Variants in SF3A2 observed in about 807,000 individuals in gnomAD.
SF3A2 encodes SAP 62.
In SF3A2, 5 loss-of-function variants were observed where a neutral mutation model predicts 31.1. That is an observed-to-expected ratio of 0.16 (90% CI 0.08 to 0.34). SF3A2 has a LOEUF of 0.34. Among genes scored for constraint, SF3A2 ranks in the 10% least tolerant of loss-of-function variants. The pLI is 1.00. For synonymous variants in SF3A2, 365 were observed against 263.7 expected (o/e 1.38, Z -3.72); for missense variants, 577 against 643.9 (o/e 0.90, Z 1.13).
chr19:2,239,372 A>G (rs893290393), intron 1 of SF3A2, among the ~76,000 whole-genome samples: 18 of 150,908 alleles, frequency 1.2e-4, no homozygotes, highest in African/African-American at 4.0e-4. Context: ...AAAAAAAAAA[A>G]AAAGAGAGAG....
At chr19:2,241,533 G>C (rs1324036999) in intron 1 of SF3A2, among the ~76,000 whole-genome samples, 4 of 152,202 alleles carry the variant, frequency 2.6e-5, no homozygotes, top group Non-Finnish European at 5.9e-5. Context: ...ACACAATCCT[G>C]CCCGCCTGTG....
At position 2,245,737 on chromosome 19, in the gene SF3A2, G is replaced by GGC. The variant is rs1199555210; in HGVS notation, c.355+183_355+184dup. 9 of 608,396 alleles carry GGC rather than the reference G, an allele frequency of 1.5e-5. No homozygotes were observed. In the African/African-American group the frequency reaches 1.7e-4, roughly 11 times the overall value. The allele number at this position is 608,396 out of a possible 1,614,324, so 37.7% of individuals were successfully genotyped here. On this transcript the variant is annotated intron_variant, in intron 5 of 8. Coordinates refer to ENST00000221494, the MANE Select transcript of SF3A2 (RefSeq NM_007165.5). The surrounding 1 kb of genome is among the most constrained non-coding windows in gnomAD (Gnocchi z 4.2). The stretch of plus-strand genomic sequence containing the variant: ...GTTGTGTCTGGGAGCTGTCAGGCTG[G>GGC]GCCCGATAAGCACCCATCTCACCCA...
chr19:2,247,238 G>A (rs1053874098), intron 7 of SF3A2: 38 of 136,374 alleles, frequency 2.8e-4, no homozygotes, highest in Middle Eastern at 2.6e-3. Context: ...TGAGAAGGGA[G>A]GCCGGCAGGG....
Position 2,248,409 on chromosome 19 carries a change from G to T in SF3A2, c.1258G>T (p.Gly420Trp). Residue 420 changes from glycine to tryptophan, a missense_variant, in exon 9 of 9, where the codon GGG (glycine) becomes TGG (tryptophan). By Grantham distance (184) the Gly-to-Trp change is radical. This residue lies in a region of SF3A2 where 462 missense variants were observed against 339.1 expected (regional missense o/e 1.36). Transcript: ENST00000221494. The stretch of plus-strand genomic sequence containing the variant: ...TCCCGGGGTCCATCCGTCGGCTCCT[G>T]GGGTCCACCCTCAGCCTCCGGGAGT... ...QPPGVHPSAP[G>W]VHPQPPGVHP... 1 of 1,381,740 alleles carries T rather than the reference G, an allele frequency of 7.2e-7. No individual in the cohort carries two copies. The highest frequency in any genetic ancestry group is 9.3e-7 in the Non-Finnish European group (1 of 1,071,768). The allele number at this position is 1,381,740 out of a possible 1,614,324, so 85.6% of individuals were successfully genotyped here. A position where few individuals can be genotyped will look rare whatever the true frequency, so the allele number is the denominator to read the frequency against.
In SF3A2 at chr19:2,247,896, G is replaced by C. The variant is rs1452407416; in HGVS notation, c.745G>C (p.Glu249Gln). Residue 249 changes from glutamate (E) to glutamine (Q), a missense_variant, in exon 9 of 9, where the codon GAG becomes CAG. By Grantham distance (29) the Glu-to-Gln change is conservative (BLOSUM62 2). This residue lies in a region of SF3A2 where 462 missense variants were observed against 339.1 expected (regional missense o/e 1.36). Coordinates refer to ENST00000221494, the MANE Select transcript of SF3A2 (RefSeq NM_007165.5). ...TCTGCCCCCTCGGCCACCGCTGCCT[G>C]AGTCTTTGCCACCGCCCCCGCCAGG... The part of the protein sequence containing the change: ...NGLPPRPPLP[E>Q]SLPPPPPGGL... 6.3e-7 allele frequency: 1 copy of C among 1,580,394 alleles called. No homozygotes were observed. The highest frequency in any genetic ancestry group is 1.1e-5 in the South Asian group (1 of 90,544).
Position 2,245,494 on chromosome 19 carries a change from G to A in SF3A2, c.294G>A (p.Ala98=), listed in dbSNP as rs369419907. 182 of 1,551,178 alleles carry A rather than the reference G, an allele frequency of 1.2e-4. No individual in the cohort carries two copies. The African/African-American group carries it at 2.0e-3, about 17-fold the overall frequency. ...KEAKEAPAQP[A]PEKVKVEVKK... ...CCAAGGAGGCCCCTGCCCAGCCCGC[G>A]CCTGAGAAGGTCAAGGTGGAGGTGA... The change falls in exon 5 of 9, where the codon GCG becomes GCA. Residue 98 remains alanine (A), a synonymous_variant. Transcript: ENST00000221494. The surrounding 1 kb of genome is among the most constrained non-coding windows in gnomAD (Gnocchi z 4.2).
At chr19:2,239,924 C>A (rs956035713) in intron 1 of SF3A2, among the ~76,000 whole-genome samples, 1 of 152,086 alleles carries the variant, frequency 6.6e-6, no homozygotes, top group African/African-American at 2.4e-5. Context: ...GCAGTGGCTT[C>A]CCCCGATAAT....
rs1195855756 is a variant in SF3A2, at chr19:2,248,525, TC to T, written c.1379del (p.Pro460LeufsTer25). The part of the protein sequence containing the change: ...LPSEGPGNIP[P>X]PPPTN ...CCTCCGAAGGCCCAGGGAACATACCTCCCCCTCCCCCAACCAACTGAGAAGC... is the reference window on the plus strand; with the variant it reads ...CCTCCGAAGGCCCAGGGAACATACCTCCCCTCCCCCAACCAACTGAGAAGC... On this transcript the variant is annotated frameshift_variant, in exon 9 of 9. Coordinates refer to ENST00000221494, the MANE Select transcript of SF3A2 (RefSeq NM_007165.5). LOFTEE classifies it high-confidence loss of function. The T allele has an allele frequency of 9.6e-6, 10 of 1,041,318 alleles. No individual in the cohort carries two copies. The highest frequency in any genetic ancestry group is 4.3e-5 in the African/African-American group (2 of 46,880). The allele number at this position is 1,041,318 out of a possible 1,614,324, so 64.5% of individuals were successfully genotyped here.
In SF3A2 at chr19:2,243,387, T is replaced by C; in HGVS notation, c.-32T>C. ...TCTCCTCTTGGCCTCCACAGGTGTC[T>C]CCCAGTCTGCTAAAGCCCTAAGGCC... is the stretch of plus-strand genomic sequence containing the variant. On this transcript the variant is annotated 5_prime_UTR_variant, in exon 2 of 9. Coordinates refer to ENST00000221494, the MANE Select transcript of SF3A2 (RefSeq NM_007165.5). 1 of 1,505,098 alleles carries C rather than the reference T, an allele frequency of 6.6e-7. No individual in the cohort carries two copies. The highest frequency in any genetic ancestry group is 8.8e-7 in the Non-Finnish European group (1 of 1,132,000). 93.2% of individuals were successfully genotyped at this position (1,505,098 alleles called of 1,614,324 possible). A position where few individuals can be genotyped will look rare whatever the true frequency, so the allele number is the denominator to read the frequency against.
In SF3A2 at chr19:2,248,315, T is replaced by C. The variant is rs1599134882; in HGVS notation, c.1164T>C (p.Pro388=). ...ACCCAGCAGCCCCCGCCGTTCACCC[T>C]CAGGCCCCAGGGGTGCACCCACCAG... ...GVHPAAPAVH[P]QAPGVHPPAP... Residue 388 remains proline (P), a synonymous_variant, in exon 9 of 9, where the codon CCT becomes CCC. Coordinates refer to ENST00000221494, the MANE Select transcript of SF3A2 (RefSeq NM_007165.5). 1 of 1,246,366 alleles carries C rather than the reference T, an allele frequency of 8.0e-7. No homozygotes were observed. Among genetic ancestry groups the C allele is most frequent in the Non-Finnish European group, 1.0e-6 (1 of 997,804 alleles). 77.2% of individuals were successfully genotyped at this position (1,246,366 alleles called of 1,614,324 possible).
At chr19:2,239,914 G>A (rs765857689) in intron 1 of SF3A2, among the ~76,000 whole-genome samples, 4 of 152,126 alleles carry the variant, frequency 2.6e-5, no homozygotes, top group Non-Finnish European at 5.9e-5. Flanking sequence ...GGTTTGTGGT[G>A]CAGTGGCTTC....
In SF3A2 at chr19:2,246,738, C is replaced by T; in HGVS notation, c.356-15C>T. On this transcript the variant is annotated splice_polypyrimidine_tract_variant and intron_variant, in intron 5 of 8. Coordinates refer to ENST00000221494, the MANE Select transcript of SF3A2 (RefSeq NM_007165.5). This position sits in a 1 kb window ranked among gnomAD's most constrained non-coding sequence, Gnocchi z 5.5. ...AGGACAAGCAGCCGGGACCTGAGAGCTTTCTGTGTTGCAGTGACCAAGCAG... is the reference window on the plus strand; with the variant it reads ...AGGACAAGCAGCCGGGACCTGAGAGTTTTCTGTGTTGCAGTGACCAAGCAG... 8 of 1,613,896 alleles carry T rather than the reference C, an allele frequency of 5.0e-6. No individual in the cohort carries two copies. The highest frequency in any genetic ancestry group is 6.8e-6 in the Non-Finnish European group (8 of 1,179,966).
rs144327372 is a variant in SF3A2, at chr19:2,245,117, G to T, written c.246-329G>T. The T allele has an allele frequency of 1.2e-3, 590 of 500,028 alleles. 4 individuals are homozygous for T. The highest frequency in any genetic ancestry group is 9.9e-3 in the African/African-American group (514 of 51,698). The allele number at this position is 500,028 out of a possible 1,614,324, so 31.0% of individuals were successfully genotyped here. A position where few individuals can be genotyped will look rare whatever the true frequency, so the allele number is the denominator to read the frequency against. ...AGGAGAATCTTGAATCTGGGAGGCA[G>T]AGATTGCAGTGAACCAAGGTGCTGC... On this transcript the variant is annotated intron_variant, in intron 4 of 8. Transcript: ENST00000221494. The surrounding 1 kb of genome is among the most constrained non-coding windows in gnomAD (Gnocchi z 4.2).
At chr19:2,241,492 G>A (rs1220000078) in intron 1 of SF3A2, among the ~76,000 whole-genome samples, 3 of 152,196 alleles carry the variant, frequency 2.0e-5, no homozygotes, top group African/African-American at 7.2e-5. Flanking sequence ...AGAAAAATGA[G>A]GCACTTCATG....
At position 2,247,983 on chromosome 19, in the gene SF3A2, C is replaced by A; in HGVS notation, c.832C>A (p.Pro278Thr). The A allele has an allele frequency of 2.1e-6, 2 of 968,084 alleles. No individual in the cohort carries two copies. The highest frequency in any genetic ancestry group is 3.2e-6 in the Non-Finnish European group (2 of 629,220). 60.0% of individuals were successfully genotyped at this position (968,084 alleles called of 1,614,324 possible). A position where few individuals can be genotyped will look rare whatever the true frequency, so the allele number is the denominator to read the frequency against. The stretch of plus-strand genomic sequence containing the variant: ...TGCGCCCTCAGGGCCCCCGGGACCA[C>A]CCCAGCTACCCCCGCCAGCTCCAGG... ...GPAPSGPPGP[P>T]QLPPPAPGVH... Residue 278 changes from proline (P) to threonine (T), a missense_variant, in exon 9 of 9, where the codon CCC becomes ACC. Transcript: ENST00000221494.
At position 2,246,824 on chromosome 19, in the gene SF3A2, T is replaced by TG; in HGVS notation, c.405+28dup. ...CCAGGTGAGATCAGGGACTTGGGCG[T>TG]GGGGGGCGGCCAAAGGCACCCAAGA... On this transcript the variant is annotated intron_variant, in intron 6 of 8. Transcript: ENST00000221494. The surrounding 1 kb of genome is among the most constrained non-coding windows in gnomAD (Gnocchi z 5.5). 1.9e-6 allele frequency: 3 copies of TG among 1,613,414 alleles called. No individual in the cohort carries two copies. The highest frequency in any genetic ancestry group is 2.5e-6 in the Non-Finnish European group (3 of 1,179,852).
In SF3A2 at chr19:2,239,905, G is replaced by T. The variant is rs186855991; in HGVS notation, c.-38+3004G>T. On this transcript the variant is annotated intron_variant, in intron 1 of 8. Coordinates refer to ENST00000221494, the MANE Select transcript of SF3A2 (RefSeq NM_007165.5). ...CTTGTCATTCAGCTTCCTGTTCTGG[G>T]TTTGTGGTGCAGTGGCTTCCCCCGA... 2.0e-3 allele frequency among the ~76,000 whole-genome samples: 306 copies of T among 152,204 alleles called. 1 individual carries two copies. The highest frequency in any genetic ancestry group is 6.8e-3 in the Middle Eastern group (2 of 292).
At position 2,248,145 on chromosome 19, in the gene SF3A2, C is replaced by G; in HGVS notation, c.994C>G (p.Pro332Ala). 6.9e-7 allele frequency: 1 copy of G among 1,446,866 alleles called. No individual in the cohort carries two copies. Among genetic ancestry groups the G allele is most frequent in the Non-Finnish European group, 9.4e-7 (1 of 1,060,932 alleles). The allele number at this position is 1,446,866 out of a possible 1,614,324, so 89.6% of individuals were successfully genotyped here. A position where few individuals can be genotyped will look rare whatever the true frequency, so the allele number is the denominator to read the frequency against. ...VHPPTSGVHP[P>A]APGVHPPAPG... ...CCCACCAACCTCTGGGGTCCACCCCCCAGCTCCTGGAGTCCACCCTCCAGC... is the reference window on the plus strand; with the variant it reads ...CCCACCAACCTCTGGGGTCCACCCCGCAGCTCCTGGAGTCCACCCTCCAGC... Residue 332 changes from proline to alanine, a missense_variant, in exon 9 of 9, where the codon CCA becomes GCA. By Grantham distance (27) the Pro-to-Ala change is conservative (BLOSUM62 -1). Transcript: ENST00000221494.
intron 1 of SF3A2, among the ~76,000 whole-genome samples, chr19:2,240,183 C>T (rs1277077759): frequency 6.6e-6 from 1 of 152,192 alleles, no homozygotes; most frequent in Non-Finnish European, 1.5e-5. Flanking sequence ...CTGGCCTCCC[C>T]CGGGGTGGGG....
Sources: gnomAD v4.1 joint callset for allele counts (sites outside exome capture counted in the v4.1 genomes callset) on GRCh38, gnomAD v4.1.1 for gene constraint, gnomAD v4.1.1 regional missense constraint, Gnocchi (gnomAD v3.1) non-coding constraint, MANE v1.5 for transcripts, NCBI Gene and HGNC (gene_info 2026-07-23, HGNC 2026-07-21) for gene names.